FRMPD4: variants seen among roughly 807,000 people sequenced by gnomAD.
The protein encoded by FRMPD4 is FERM and PDZ domain containing 4.
FRMPD4 carries 22 observed loss-of-function variants against 94.1 expected under a neutral mutation model. The ratio of observed to expected loss-of-function variants is 0.23; its 90% CI spans 0.17 to 0.33. FRMPD4 has a LOEUF of 0.33. FRMPD4 is among the 10% of genes least tolerant of loss of function. The pLI is 1.00. For missense variants in FRMPD4, 1,111 were observed against 1,339.9 expected (o/e 0.83, Z 2.67); for synonymous variants, 631 against 548.6 (o/e 1.15, Z -2.10).
chrX:12,228,779 G>A (rs766376443), intron 1 of FRMPD4, among the ~76,000 whole-genome samples: 3 of 112,137 alleles, frequency 2.7e-5, no homozygotes, highest in Non-Finnish European at 5.6e-5. Flanking sequence ...TTGTGAATTC[G>A]TTGAGCATTC....
intron 3 of FRMPD4, among the ~76,000 whole-genome samples, chrX:12,048,020 A>G (rs1023241862): frequency 2.7e-4 from 30 of 112,463 alleles, no homozygotes; most frequent in African/African-American, 9.7e-4. Flanking sequence ...ATACCCAGTA[A>G]TGGGATTGCT....
intron 3 of FRMPD4, among the ~76,000 whole-genome samples, chrX:12,123,958 C>T (rs1348730630): frequency 9.0e-6 from 1 of 111,521 alleles, no homozygotes; most frequent in East Asian, 2.8e-4. Context: ...TACAAGATAT[C>T]CTTCCAGTGG....
At position 12,382,513 on chromosome X, in the gene FRMPD4, T is replaced by TAG. The variant is rs1213054132; in HGVS notation, c.42-116166_42-116165dup. Among the ~76,000 whole-genome samples the TAG allele has an allele frequency of 4.7e-3, 285 of 60,605 alleles. 3 individuals carry two copies. The highest frequency in any genetic ancestry group is 7.0e-3 in the African/African-American group (98 of 13,999). 52.6% of individuals were successfully genotyped at this position (60,605 alleles called of 115,157 possible). On this transcript the variant is annotated intron_variant, in intron 1 of 16. Coordinates refer to ENST00000675598, the MANE Select transcript of FRMPD4 (RefSeq NM_001368397.1). ...TAGCATAGCATAGCATAGCATAGCA[T>TAG]AGCATAGCATAGCATAGAGCATAGC...
At chrX:11,878,299 T>C (rs1484562419) in intron 3 of FRMPD4, among the ~76,000 whole-genome samples, 1 of 112,355 alleles carries the variant, frequency 8.9e-6, no homozygotes, top group African/African-American at 3.2e-5. Context: ...TAGGAATAAA[T>C]GTCCACAGGC....
intron 1 of FRMPD4, among the ~76,000 whole-genome samples, chrX:12,150,812 T>C: frequency 9.0e-6 from 1 of 111,668 alleles, no homozygotes; most frequent in African/African-American, 3.3e-5. Context: ...GAGACTAATA[T>C]TGTTTTCATG....
chrX:12,242,126 T>G (rs1431232153), intron 1 of FRMPD4, among the ~76,000 whole-genome samples: 3 of 111,987 alleles, frequency 2.7e-5, no homozygotes, highest in Non-Finnish European at 5.6e-5. Context: ...GAATTGTAAC[T>G]GAGGCTAAAT....
chrX:12,262,383 T>C (rs781015679), intron 1 of FRMPD4, among the ~76,000 whole-genome samples: 3 of 112,079 alleles, frequency 2.7e-5, no homozygotes, highest in Non-Finnish European at 3.8e-5. Context: ...GTGCTGGGAT[T>C]ATGGGCATGA....
chrX:12,555,964 G>T (rs1185738324), intron 2 of FRMPD4, among the ~76,000 whole-genome samples: 1 of 110,568 alleles, frequency 9.0e-6, no homozygotes, highest in Admixed American at 9.6e-5. Flanking sequence ...GGAGTGCATT[G>T]GTTATTCAAA....
intron 1 of FRMPD4, among the ~76,000 whole-genome samples, chrX:12,397,668 CA>C (rs1161208897): frequency 9.0e-6 from 1 of 111,288 alleles, no homozygotes; most frequent in Non-Finnish European, 1.9e-5. Flanking sequence ...GGAGAGACAT[CA>C]GGGGCCTCAG....
intron 3 of FRMPD4, among the ~76,000 whole-genome samples, chrX:12,127,150 C>T (rs1205395667): frequency 8.9e-6 from 1 of 112,156 alleles, no homozygotes. Context: ...TTTTCATCTT[C>T]GTGACATTCT....
At chrX:12,438,785 T>C (rs887376837) in intron 1 of FRMPD4, among the ~76,000 whole-genome samples, 12 of 111,662 alleles carry the variant, frequency 1.1e-4, no homozygotes, top group Admixed American at 1.9e-4. Flanking sequence ...ACACAACTGC[T>C]GTGGAGGTGG....
intron 3 of FRMPD4, among the ~76,000 whole-genome samples, chrX:12,047,894 C>A (rs748846228): frequency 8.9e-6 from 1 of 112,630 alleles, no homozygotes; most frequent in African/African-American, 3.2e-5. Flanking sequence ...TTTATCCAAT[C>A]CACTGTTGAC....
chrX:11,944,510 C>A (rs1386437904), intron 3 of FRMPD4, among the ~76,000 whole-genome samples: 1 of 111,991 alleles, frequency 8.9e-6, no homozygotes, highest in African/African-American at 3.3e-5. Flanking sequence ...TTTGTGATTT[C>A]ATGTAAAATT....
intron 3 of FRMPD4, among the ~76,000 whole-genome samples, chrX:12,012,964 C>T (rs1162752917): frequency 2.7e-5 from 3 of 111,366 alleles, no homozygotes; most frequent in Non-Finnish European, 5.7e-5. Flanking sequence ...ACTAAACTGA[C>T]GTATTTGAGT....
intron 13 of FRMPD4, among the ~76,000 whole-genome samples, chrX:12,709,957 G>A (rs927477367): frequency 9.1e-6 from 1 of 110,429 alleles, no homozygotes; most frequent in Non-Finnish European, 1.9e-5. Flanking sequence ...GTGAAGCCCC[G>A]TCTCTACTAA....
intron 3 of FRMPD4, among the ~76,000 whole-genome samples, chrX:12,044,798 G>T (rs1485378386): frequency 8.9e-6 from 1 of 112,101 alleles, no homozygotes; most frequent in African/African-American, 3.2e-5. Context: ...CTCTGAATTT[G>T]CCTTAAGAAG....
intron 3 of FRMPD4, among the ~76,000 whole-genome samples, chrX:11,971,025 A>G (rs2054337215): frequency 1.8e-5 from 2 of 112,299 alleles, no homozygotes; most frequent in Admixed American, 1.9e-4. Flanking sequence ...CATAGTTACC[A>G]TGACTGAATT....
intron 2 of FRMPD4, among the ~76,000 whole-genome samples, chrX:12,533,793 G>C (rs765115337): frequency 6.2e-5 from 7 of 112,443 alleles, no homozygotes; most frequent in African/African-American, 2.3e-4. Context: ...CTTAGGTGCT[G>C]TTAAAGGCAT....
At chrX:12,025,755 G>C (rs2054657238) in intron 3 of FRMPD4, among the ~76,000 whole-genome samples, 1 of 111,594 alleles carries the variant, frequency 9.0e-6, no homozygotes, top group Non-Finnish European at 1.9e-5. Flanking sequence ...CCATTTGATT[G>C]TTAAAGGACT....
Sources: gnomAD v4.1 joint callset for allele counts (sites outside exome capture counted in the v4.1 genomes callset) on GRCh38, gnomAD v4.1.1 for gene constraint, MANE v1.5 for transcripts, NCBI Gene and HGNC (gene_info 2026-07-23, HGNC 2026-07-21) for gene names.